Variants in NELL2 observed in about 807,000 individuals in gnomAD.
NELL2 encodes the protein protein kinase C-binding protein NELL2.
In NELL2, 41 loss-of-function variants were observed where a neutral mutation model predicts 109.6. The ratio of observed to expected loss-of-function variants is 0.37; its 90% CI spans 0.29 to 0.49. NELL2 has a LOEUF of 0.49. Ranked by LOEUF, NELL2 falls within the 20% of genes least tolerant of loss-of-function variation. NELL2 has a pLI of 0.98. For missense variants in NELL2, 900 were observed against 1,008.3 expected, an observed-to-expected ratio of 0.89 and a Z score of 1.45; for synonymous variants, 355 against 344.7, an observed-to-expected ratio of 1.03 and a Z score of -0.33.
At chr12:44,551,670 T>C (rs1377417899) in intron 15 of NELL2, among the ~76,000 whole-genome samples, 1 of 152,056 alleles carries the variant, frequency 6.6e-6, no homozygotes, top group Admixed American at 6.6e-5. Flanking sequence ...GTGGGTATAA[T>C]GGTTAATGGT....
intron 12 of NELL2, among the ~76,000 whole-genome samples, chr12:44,680,246 T>C (rs1948453049): frequency 6.6e-6 from 1 of 152,154 alleles, no homozygotes. Context: ...TGCTTGCTTG[T>C]ACATAAATCA....
At chr12:44,664,348 T>G (rs943774440) in intron 13 of NELL2, among the ~76,000 whole-genome samples, 2 of 152,112 alleles carry the variant, frequency 1.3e-5, no homozygotes, top group African/African-American at 4.8e-5. Flanking sequence ...CCAGGATATC[T>G]TCAGTTATTT....
At chr12:44,547,282 G>A (rs1298540845) in intron 15 of NELL2, among the ~76,000 whole-genome samples, 1 of 152,282 alleles carries the variant, frequency 6.6e-6, no homozygotes, top group Non-Finnish European at 1.5e-5. Flanking sequence ...AGCTGCTAGA[G>A]CACAGGAAAT....
At chr12:44,764,611 C>A (rs1473799694) in intron 9 of NELL2, among the ~76,000 whole-genome samples, 1 of 152,098 alleles carries the variant, frequency 6.6e-6, no homozygotes, top group African/African-American at 2.4e-5. Context: ...TGTTACAAAT[C>A]ATATGAGACA....
At chr12:44,619,127 G>A (rs1455440968) in intron 13 of NELL2, among the ~76,000 whole-genome samples, 1 of 152,134 alleles carries the variant, frequency 6.6e-6, no homozygotes, top group Non-Finnish European at 1.5e-5. Context: ...CCGAACAGGT[G>A]GCTCTTGACA....
chr12:44,880,026 T>A (rs962606378), upstream of NELL2, among the ~76,000 whole-genome samples: 2 of 151,588 alleles, frequency 1.3e-5, no homozygotes, highest in Non-Finnish European at 2.9e-5. Context: ...AAGAAGAAAA[T>A]TCCTGCTGTG....
intron 2 of NELL2, among the ~76,000 whole-genome samples, chr12:44,816,751 TC>T (rs969733342): frequency 5.3e-5 from 8 of 152,196 alleles, no homozygotes; most frequent in Admixed American, 1.3e-4. Context: ...AGAACTTAAT[TC>T]CCATTTCCTC....
chr12:44,600,530 G>A (rs1945180792), intron 15 of NELL2, among the ~76,000 whole-genome samples: 1 of 152,104 alleles, frequency 6.6e-6, no homozygotes, highest in Non-Finnish European at 1.5e-5. Context: ...ATCAATAGAC[G>A]TTCATCAGCT....
At chr12:44,796,580 A>G (rs1942628358) in intron 3 of NELL2, among the ~76,000 whole-genome samples, 1 of 152,184 alleles carries the variant, frequency 6.6e-6, no homozygotes, top group Admixed American at 6.6e-5. Context: ...ACAACTCTGT[A>G]GCTTAAAGAC....
intron 15 of NELL2, among the ~76,000 whole-genome samples, chr12:44,585,894 G>T (rs553774323): frequency 4.7e-5 from 7 of 147,504 alleles, no homozygotes; most frequent in African/African-American, 1.5e-4. Flanking sequence ...CCAGGTAAAA[G>T]AAAAAAAAAC....
intron 16 of NELL2, among the ~76,000 whole-genome samples, chr12:44,527,321 G>T (rs774249784): frequency 6.6e-6 from 1 of 152,128 alleles, no homozygotes; most frequent in East Asian, 1.9e-4. Flanking sequence ...TGTGGAAAAA[G>T]ATACTGGACT....
At position 44,637,874 on chromosome 12, in the gene NELL2, T is replaced by C. The variant is rs151285527; in HGVS notation, c.1445-26904A>G. On this transcript the variant is annotated intron_variant, in intron 13 of 19. Coordinates refer to ENST00000429094, the MANE Select transcript of NELL2 (RefSeq NM_001145108.2). ...TCATAAGACTAGCCTCCTGTGTCTA[T>C]AATACTAGTCTTGTCCAGCTGATTT... Among the ~76,000 whole-genome samples, 5 of 152,112 alleles carry C rather than the reference T, an allele frequency of 3.3e-5. No homozygotes were observed. The East Asian group carries it at 9.7e-4, about 30-fold the overall frequency.
At chr12:44,689,909 A>C (rs1948847941) in intron 12 of NELL2, among the ~76,000 whole-genome samples, 1 of 152,210 alleles carries the variant, frequency 6.6e-6, no homozygotes. Flanking sequence ...TTAAAACAAA[A>C]AACACTCTGA....
chr12:44,586,801 T>TA (rs1944524018), intron 15 of NELL2, among the ~76,000 whole-genome samples: 1 of 152,212 alleles, frequency 6.6e-6, no homozygotes, highest in African/African-American at 2.4e-5. Context: ...GAGATTGGAA[T>TA]AGACTCTACA....
chr12:44,645,046 A>T (rs1008468289), intron 13 of NELL2, among the ~76,000 whole-genome samples: 1 of 152,074 alleles, frequency 6.6e-6, no homozygotes, highest in Non-Finnish European at 1.5e-5. Context: ...GGAAAAGGAG[A>T]GGGAAGAATT....
rs1006762813 is a variant in NELL2, at chr12:44,675,896, C to T, written c.1319-10287G>A. Among the ~76,000 whole-genome samples, 43 of 152,118 alleles carry T rather than the reference C, an allele frequency of 2.8e-4. 1 individual carries two copies. The highest frequency in any genetic ancestry group is 3.1e-4 in the Non-Finnish European group (21 of 68,002). On this transcript the variant is annotated intron_variant, in intron 12 of 19. Coordinates refer to ENST00000429094, the MANE Select transcript of NELL2 (RefSeq NM_001145108.2). ...GTTTAAAATTAGTCTATGGACTCAA[C>T]GTCCAGACGAGTCTCAGAGGCAGTG...
At chr12:44,701,456 A>T (rs917071878) in intron 12 of NELL2, among the ~76,000 whole-genome samples, 6 of 152,120 alleles carry the variant, frequency 3.9e-5, no homozygotes, top group Non-Finnish European at 7.4e-5. Context: ...ACACTTCCAG[A>T]TAAAAACTGA....
intron 1 of NELL2, among the ~76,000 whole-genome samples, chr12:44,899,487 C>T (rs1248771631): frequency 1.3e-5 from 2 of 152,120 alleles, no homozygotes; most frequent in Admixed American, 6.5e-5. Context: ...GAATTTTCCA[C>T]CCAGAATTTT....
At chr12:44,712,109 G>C (rs1938236318) in intron 10 of NELL2, among the ~76,000 whole-genome samples, 1 of 151,962 alleles carries the variant, frequency 6.6e-6, no homozygotes, top group African/African-American at 2.4e-5. Context: ...TTTCTATACT[G>C]TCAGTCTCCA....
Sources: allele counts gnomAD v4.1 joint callset (sites outside exome capture counted in the v4.1 genomes callset), GRCh38; gene constraint gnomAD v4.1.1; transcripts MANE v1.5; gene names NCBI Gene and HGNC (gene_info 2026-07-23, HGNC 2026-07-21).